Variants in EYA4 observed in about 807,000 individuals in gnomAD.
EYA4 encodes the protein protein phosphatase EYA4.
In EYA4, 31 loss-of-function variants were observed where a neutral mutation model predicts 87.9. The observed-to-expected ratio is 0.35, with a 90% CI of 0.27 to 0.48. The LOEUF is 0.48. Ranked by LOEUF, EYA4 falls within the 20% of genes least tolerant of loss-of-function variation. The probability of loss-of-function intolerance (pLI) is 0.99; values close to 1 mark genes in which losing one functional copy is unlikely to be tolerated. For missense variants in EYA4, 678 were observed against 761.4 expected (o/e 0.89, Z 1.29); for synonymous variants, 263 against 270.6 (o/e 0.97, Z 0.28).
chr6:133,397,575 T>C (rs1356531223), intron 3 of EYA4, among the ~76,000 whole-genome samples: 1 of 152,240 alleles, frequency 6.6e-6, no homozygotes. Context: ...TCTTGATTTA[T>C]TGTTTATCAG....
intron 2 of EYA4, among the ~76,000 whole-genome samples, chr6:133,358,575 T>A (rs1425261571): frequency 6.6e-6 from 1 of 152,222 alleles, no homozygotes; most frequent in Non-Finnish European, 1.5e-5. Context: ...ACTATTTTGA[T>A]TGAGCATTTT....
At chr6:133,461,719 A>T (rs1460485022) in intron 7 of EYA4, among the ~76,000 whole-genome samples, 1 of 151,274 alleles carries the variant, frequency 6.6e-6, no homozygotes, top group Non-Finnish European at 1.5e-5. Flanking sequence ...CAGCATCTAG[A>T]GTGTCTGCCT....
At chr6:133,367,469 T>G in intron 2 of EYA4, among the ~76,000 whole-genome samples, 1 of 152,238 alleles carries the variant, frequency 6.6e-6, no homozygotes, top group Non-Finnish European at 1.5e-5. Flanking sequence ...TGACTAAATC[T>G]TGATTCGCAT....
At chr6:133,342,605 A>ATATTATATATATATATATATATC (rs1485897156) in intron 2 of EYA4, among the ~76,000 whole-genome samples, 4 of 130,440 alleles carry the variant, frequency 3.1e-5, no homozygotes, top group African/African-American at 1.3e-4. Flanking sequence ...ATATATATAT[A>ATATTATATATATATATATATATC]ATTCTTTATA....
At chr6:133,294,628 T>C (rs1288988471) in intron 2 of EYA4, among the ~76,000 whole-genome samples, 2 of 152,066 alleles carry the variant, frequency 1.3e-5, no homozygotes, top group African/African-American at 4.8e-5. Context: ...AGTGCAGTGG[T>C]GCGATCTCGA....
At chr6:133,387,835 A>G (rs897174681) in intron 3 of EYA4, among the ~76,000 whole-genome samples, 2 of 152,036 alleles carry the variant, frequency 1.3e-5, no homozygotes, top group Admixed American at 6.5e-5. Context: ...CCTCATGTGG[A>G]TGCTTCTCTA....
intron 2 of EYA4, among the ~76,000 whole-genome samples, chr6:133,363,982 C>G (rs1583067117): frequency 6.6e-6 from 1 of 152,208 alleles, no homozygotes; most frequent in Non-Finnish European, 1.5e-5. Flanking sequence ...CACCAAGGTT[C>G]CCCTAAGTAC....
chr6:133,441,895 C>G (rs1792337630), intron 3 of EYA4, among the ~76,000 whole-genome samples: 1 of 151,548 alleles, frequency 6.6e-6, no homozygotes, highest in Non-Finnish European at 1.5e-5. Flanking sequence ...CATATTGATT[C>G]TTTGAAAAGA....
chr6:133,432,721 T>C (rs1397322696), intron 3 of EYA4, among the ~76,000 whole-genome samples: 1 of 152,180 alleles, frequency 6.6e-6, no homozygotes, highest in Non-Finnish European at 1.5e-5. Flanking sequence ...TTTTGTTTGC[T>C]AAGGTCAGGG....
chr6:133,414,377 G>A (rs1562392677), intron 3 of EYA4, among the ~76,000 whole-genome samples: 1 of 152,118 alleles, frequency 6.6e-6, no homozygotes. Context: ...AGAATCCCTC[G>A]TATGTATTCC....
intron 2 of EYA4, among the ~76,000 whole-genome samples, chr6:133,368,827 C>T (rs1785052260): frequency 1.3e-5 from 2 of 152,160 alleles, no homozygotes; most frequent in African/African-American, 4.8e-5. Flanking sequence ...GAGACAGCGC[C>T]GTCTTCAGTT....
intron 13 of EYA4, among the ~76,000 whole-genome samples, chr6:133,494,468 A>G (rs1797453600): frequency 6.7e-6 from 1 of 149,228 alleles, no homozygotes; most frequent in Admixed American, 6.7e-5. Flanking sequence ...ATATAGTTAG[A>G]CAGAATGAAT....
chr6:133,485,122 A>G (rs1203895419), intron 13 of EYA4, among the ~76,000 whole-genome samples: 1 of 152,210 alleles, frequency 6.6e-6, no homozygotes, highest in African/African-American at 2.4e-5. Context: ...GCAAAGTTCA[A>G]CTTCTCTCAG....
intron 14 of EYA4, among the ~76,000 whole-genome samples, chr6:133,511,066 T>G (rs2128775674): frequency 6.6e-6 from 1 of 152,260 alleles, no homozygotes; most frequent in South Asian, 2.1e-4. Context: ...TATATGAACT[T>G]TTAACTTACC....
At chr6:133,326,919 C>A (rs1486458932) in intron 2 of EYA4, among the ~76,000 whole-genome samples, 6 of 152,178 alleles carry the variant, frequency 3.9e-5, no homozygotes, top group African/African-American at 1.4e-4. Context: ...TTTGCACTTT[C>A]TTGCCACCTT....
intron 2 of EYA4, among the ~76,000 whole-genome samples, chr6:133,292,401 G>T (rs1462320650): frequency 6.6e-6 from 1 of 152,066 alleles, no homozygotes; most frequent in South Asian, 2.1e-4. Context: ...TTGCATAATT[G>T]TTGGAATTAT....
upstream of EYA4, chr6:133,240,728 C>T (rs1174587346): frequency 2.6e-5 from 4 of 152,322 alleles, no homozygotes; most frequent in Non-Finnish European, 5.9e-5. Flanking sequence ...TATATCTCCA[C>T]GGAAAAGGGT....
intron 3 of EYA4, among the ~76,000 whole-genome samples, chr6:133,434,122 G>T (rs945499330): frequency 2.6e-5 from 4 of 152,216 alleles, no homozygotes; most frequent in Non-Finnish European, 4.4e-5. Context: ...AAGAGTTTGA[G>T]ATGGACTGAG....
At chr6:133,483,270 T>C (rs1796380867) in intron 13 of EYA4, among the ~76,000 whole-genome samples, 155 bp downstream of exon 13, 2 of 152,194 alleles carry the variant, frequency 1.3e-5, no homozygotes, top group African/African-American at 4.8e-5. Context: ...TATAGTTCTT[T>C]AATATGAACT....
Sources: gnomAD v4.1 joint callset for allele counts (sites outside exome capture counted in the v4.1 genomes callset) on GRCh38, gnomAD v4.1.1 for gene constraint, MANE v1.5 for transcripts, NCBI Gene and HGNC (gene_info 2026-07-23, HGNC 2026-07-21) for gene names.